Variants in LEF1 observed in about 807,000 individuals in gnomAD.
LEF1 encodes lymphoid enhancer binding factor 1, also known as lymphoid enhancer-binding factor 1.
A neutral mutation model predicts 51.2 loss-of-function variants in LEF1; 14 were observed. The ratio of observed to expected loss-of-function variants is 0.27; its 90% CI spans 0.18 to 0.43. The LOEUF (loss-of-function observed/expected upper bound fraction) is 0.43, where lower values mean the gene tolerates loss of function less well. Ranked by LOEUF, LEF1 falls within the 20% of genes least tolerant of loss-of-function variation. The probability of loss-of-function intolerance (pLI) is 1.00; values close to 1 mark genes in which losing one functional copy is unlikely to be tolerated. For missense variants in LEF1, 386 were observed against 512.0 expected, an observed-to-expected ratio of 0.75 and a Z score of 2.37; for synonymous variants, 185 against 183.2, an observed-to-expected ratio of 1.01 and a Z score of -0.08.
chr4:108,089,042 G>A, intron 4 of LEF1, 83 bp downstream of exon 4: 1 of 1,483,560 alleles, frequency 6.7e-7, no homozygotes, highest in Non-Finnish European at 9.4e-7. Flanking sequence ...TGGAGCACTG[G>A]CATCTGGAAG....
In LEF1 at chr4:108,148,854, T is replaced by C. The variant is rs143444790; in HGVS notation, c.414+14714A>G. Among the ~76,000 whole-genome samples, 602 of 152,310 alleles carry C rather than the reference T, an allele frequency of 4.0e-3. 5 individuals are homozygous for C. Among genetic ancestry groups the C allele is most frequent in the African/African-American group, 0.014 (572 of 41,566 alleles). Reference sequence around the variant, plus strand: ...GCTTTCTGGTTATTGCACCATCCTATGAGGGTCAAAAGAGCTGTATTAGCA... The same window carrying C: ...GCTTTCTGGTTATTGCACCATCCTACGAGGGTCAAAAGAGCTGTATTAGCA... On this transcript the variant is annotated intron_variant, in intron 3 of 11. Transcript: ENST00000265165.
intron 11 of LEF1, among the ~76,000 whole-genome samples, chr4:108,058,675 C>A (rs1737466942): frequency 6.6e-6 from 1 of 152,184 alleles, no homozygotes; most frequent in Admixed American, 6.5e-5. Context: ...TTATATAAGG[C>A]ACAGCATGCC....
chr4:108,050,657 C>T (rs1016418649), intron 11 of LEF1, among the ~76,000 whole-genome samples: 5 of 152,228 alleles, frequency 3.3e-5, no homozygotes, highest in Admixed American at 3.3e-4. Context: ...GAAGGTTTTC[C>T]TCTCAGTCTG....
chr4:108,067,970 T>G (rs1738192717), intron 9 of LEF1, among the ~76,000 whole-genome samples: 2 of 152,004 alleles, frequency 1.3e-5, no homozygotes, highest in Admixed American at 1.3e-4. Context: ...ACTACAGCAG[T>G]CTTAAGAAGG....
At chr4:108,085,051 A>G (rs1739554821) in intron 4 of LEF1, among the ~76,000 whole-genome samples, 1 of 152,206 alleles carries the variant, frequency 6.6e-6, no homozygotes, top group African/African-American at 2.4e-5. Context: ...TGAAAATCGT[A>G]GCGGTCACAG....
At chr4:108,069,872 C>T (rs573095798) in intron 9 of LEF1, among the ~76,000 whole-genome samples, 236 of 151,236 alleles carry the variant, frequency 1.6e-3, no homozygotes, top group African/African-American at 5.5e-3. Flanking sequence ...GCAGAAGAAT[C>T]GCTTGAACCC....
intron 3 of LEF1, among the ~76,000 whole-genome samples, chr4:108,135,908 A>G (rs1032810838): frequency 6.6e-5 from 10 of 152,084 alleles, no homozygotes; most frequent in Non-Finnish European, 7.4e-5. Context: ...CTTTCCCCCA[A>G]TCCTGCCCAA....
At chr4:108,111,608 G>T (rs539698681) in intron 3 of LEF1, among the ~76,000 whole-genome samples, 1 of 152,276 alleles carries the variant, frequency 6.6e-6, no homozygotes, top group African/African-American at 2.4e-5. Context: ...GTAGAGGGAG[G>T]CAAGAAAGGT....
intron 3 of LEF1, among the ~76,000 whole-genome samples, chr4:108,121,075 T>C (rs1202428581): frequency 1.3e-5 from 2 of 152,224 alleles, no homozygotes; most frequent in African/African-American, 2.4e-5. Flanking sequence ...TTATATGTAC[T>C]TCCCATCTCA....
chr4:108,064,199 T>G (rs978005741), intron 10 of LEF1, 137 bp downstream of exon 10: 2 of 561,420 alleles, frequency 3.6e-6, no homozygotes, highest in Admixed American at 3.4e-5. Flanking sequence ...TTTAAAAGAA[T>G]TTCAGGAAGA....
chr4:108,090,912 GTGTT>G (rs778750480), intron 3 of LEF1, among the ~76,000 whole-genome samples: 18 of 152,044 alleles, frequency 1.2e-4, no homozygotes, highest in Non-Finnish European at 1.0e-4. Context: ...CCTGTTAAAG[GTGTT>G]TGTTTCTGAT....
intron 3 of LEF1, among the ~76,000 whole-genome samples, chr4:108,136,042 T>C (rs181772123): frequency 6.6e-6 from 1 of 152,202 alleles, no homozygotes; most frequent in East Asian, 1.9e-4. Context: ...GGGAAGGTGA[T>C]GATGTGATGT....
At chr4:108,054,469 C>G (rs1737197346) in intron 11 of LEF1, among the ~76,000 whole-genome samples, 1 of 152,220 alleles carries the variant, frequency 6.6e-6, no homozygotes, top group Non-Finnish European at 1.5e-5. Flanking sequence ...TCAGACAGAA[C>G]TGAAATCTGT....
chr4:108,072,718 AT>A (rs1359410403), intron 8 of LEF1: 5 of 152,222 alleles, frequency 3.3e-5, no homozygotes, highest in African/African-American at 1.2e-4. Flanking sequence ...TAGAATAAAC[AT>A]TAGACAAATC....
chr4:108,102,371 G>A (rs373778235), intron 3 of LEF1, among the ~76,000 whole-genome samples: 1 of 152,116 alleles, frequency 6.6e-6, no homozygotes, highest in African/African-American at 2.4e-5. Flanking sequence ...CAGATGAGAC[G>A]TGGTCATCCT....
chr4:108,062,673 A>G (rs1737776635), intron 11 of LEF1, among the ~76,000 whole-genome samples: 1 of 152,222 alleles, frequency 6.6e-6, no homozygotes, highest in East Asian at 1.9e-4. Context: ...AACTGGTAGA[A>G]AGAAAGCCTG....
In LEF1 at chr4:108,056,685, T is replaced by A. The variant is rs1009655779; in HGVS notation, c.*6+6938A>T. On this transcript the variant is annotated intron_variant, in intron 11 of 11. Coordinates refer to ENST00000265165, the MANE Select transcript of LEF1 (RefSeq NM_016269.5). ...TCACAGGGATTTCTGAACACAAGCA[T>A]AAAAAGAAGGAAGACACAGGTAGGC... Among the ~76,000 whole-genome samples, 3 of 152,032 alleles carry A rather than the reference T, an allele frequency of 2.0e-5. No individual in the cohort carries two copies. The East Asian group carries it at 5.8e-4, about 29-fold the overall frequency.
intron 3 of LEF1, among the ~76,000 whole-genome samples, chr4:108,151,980 G>T (rs1004392120): frequency 1.3e-5 from 2 of 152,118 alleles, no homozygotes; most frequent in African/African-American, 4.8e-5. Context: ...CAGGTTCTGG[G>T]CAACAAAGAT....
intron 9 of LEF1, among the ~76,000 whole-genome samples, chr4:108,065,050 T>C (rs890075431): frequency 6.6e-6 from 1 of 152,194 alleles, no homozygotes; most frequent in Non-Finnish European, 1.5e-5. Flanking sequence ...TTAAGGACCT[T>C]GCTTCCCAAA....
Sources: allele counts gnomAD v4.1 joint callset (sites outside exome capture counted in the v4.1 genomes callset), GRCh38; gene constraint gnomAD v4.1.1; transcripts MANE v1.5; gene names NCBI Gene and HGNC (gene_info 2026-07-23, HGNC 2026-07-21).